The following CSMD1 variants were observed in gnomAD, a reference collection of about 807,000 sequenced individuals.
CSMD1 encodes CUB and sushi domain-containing protein 1.
Under a neutral mutation model 417.5 loss-of-function variants are expected in CSMD1, and 213 were observed. The observed-to-expected ratio is 0.51, with a 90% confidence interval of 0.46 to 0.57. The LOEUF (loss-of-function observed/expected upper bound fraction) is 0.57, where lower values mean the gene tolerates loss of function less well. CSMD1 is among the 20% of genes least tolerant of loss of function. The probability of loss-of-function intolerance (pLI) is 0.00; values close to 1 mark genes in which losing one functional copy is unlikely to be tolerated. For synonymous variants in CSMD1, 2,862 were observed against 1,736.8 expected, an observed-to-expected ratio of 1.65 and a Z score of -16.11; for missense variants, 6,923 against 4,529.7, an observed-to-expected ratio of 1.53 and a Z score of -15.17.
chr8:4,821,679 C>A (rs1184411184), intron 1 of CSMD1, among the ~76,000 whole-genome samples: 1 of 152,032 alleles, frequency 6.6e-6, no homozygotes, highest in African/African-American at 2.4e-5. Flanking sequence ...ACTCTGATTC[C>A]TTTGAAGAAA....
At chr8:4,457,401 T>A (rs915340784) in intron 2 of CSMD1, among the ~76,000 whole-genome samples, 7 of 152,116 alleles carry the variant, frequency 4.6e-5, no homozygotes, top group African/African-American at 1.4e-4. Flanking sequence ...AGGAAGGGAA[T>A]GTTTACTAAA....
At chr8:4,666,988 A>G (rs1413233884) in intron 1 of CSMD1, among the ~76,000 whole-genome samples, 3 of 152,108 alleles carry the variant, frequency 2.0e-5, no homozygotes, top group African/African-American at 4.8e-5. Flanking sequence ...TTTAGTTTAT[A>G]TATGTAAGAA....
chr8:3,475,136 T>A (rs1817331818), intron 11 of CSMD1, among the ~76,000 whole-genome samples: 2 of 152,136 alleles, frequency 1.3e-5, no homozygotes, highest in African/African-American at 2.4e-5. Context: ...CTAAGAGTCT[T>A]TGAAGACTCT....
intron 1 of CSMD1, among the ~76,000 whole-genome samples, chr8:4,732,085 G>A (rs957144309): frequency 2.0e-5 from 3 of 152,132 alleles, no homozygotes; most frequent in South Asian, 4.2e-4. Context: ...CTTTCCAACA[G>A]TCCCGCATCC....
chr8:4,413,454 C>G (rs942770236), intron 3 of CSMD1, among the ~76,000 whole-genome samples: 2 of 152,160 alleles, frequency 1.3e-5, no homozygotes, highest in African/African-American at 4.8e-5. Context: ...CTTCTAATGA[C>G]TTGATTGTCT....
In CSMD1 at chr8:3,407,966, A is replaced by G. The variant is rs1343167843; in HGVS notation, c.2004T>C (p.His668=). The G allele has an allele frequency of 6.2e-7, 1 of 1,613,806 alleles. No homozygotes were observed. The highest frequency in any genetic ancestry group is 8.5e-7 in the Non-Finnish European group (1 of 1,179,810). The part of the protein sequence containing the change: ...EVPSQLASSG[H]IVRLEFQSDH... ...CAGACTGAAATTCCAAGCGAACTAT[A>G]TGCCCACTGCTGGCCAGCTGGGAAG... The change falls in exon 14 of 70, where the codon CAT becomes CAC. Residue 668 remains histidine (H), a synonymous_variant. Transcript: ENST00000635120.
At chr8:3,569,909 A>C (rs547376425) in intron 10 of CSMD1, among the ~76,000 whole-genome samples, 4 of 152,336 alleles carry the variant, frequency 2.6e-5, no homozygotes, top group African/African-American at 9.6e-5. Flanking sequence ...GATAAATGAC[A>C]AAGGGCAAAT....
chr8:3,957,984 G>A (rs1415599247), intron 5 of CSMD1, among the ~76,000 whole-genome samples: 1 of 152,014 alleles, frequency 6.6e-6, no homozygotes, highest in Non-Finnish European at 1.5e-5. Context: ...CTTTCTTTTT[G>A]CTTGCTTAAC....
intron 12 of CSMD1, among the ~76,000 whole-genome samples, chr8:3,426,462 G>A (rs1485393541): frequency 6.6e-6 from 1 of 152,052 alleles, no homozygotes; most frequent in South Asian, 2.1e-4. Flanking sequence ...ATCAATTAAT[G>A]GAAAAGGAAG....
chr8:4,449,302 T>A (rs1220132193), intron 2 of CSMD1, among the ~76,000 whole-genome samples: 1 of 152,214 alleles, frequency 6.6e-6, no homozygotes, highest in African/African-American at 2.4e-5. Context: ...CAGGAGCAGA[T>A]GAAAAGACTC....
chr8:3,923,135 T>C (rs1809394146), intron 5 of CSMD1, among the ~76,000 whole-genome samples: 1 of 152,116 alleles, frequency 6.6e-6, no homozygotes. Context: ...AAAAGAGAGC[T>C]AGGGTCCCAG....
intron 10 of CSMD1, among the ~76,000 whole-genome samples, chr8:3,504,099 T>G (rs1249305118): frequency 1.3e-5 from 2 of 152,110 alleles, no homozygotes; most frequent in African/African-American, 4.8e-5. Flanking sequence ...GGAATTTAAA[T>G]GTCTCCAACA....
In CSMD1 at chr8:3,733,371, AAATAT is replaced by A. The variant is rs1367770366; in HGVS notation, c.931+20554_931+20558del. 6.1e-5 allele frequency among the ~76,000 whole-genome samples: 9 copies of A among 148,018 alleles called. 1 individual carries two copies. The highest frequency in any genetic ancestry group is 1.5e-4 in the African/African-American group (6 of 40,764). On this transcript the variant is annotated intron_variant, in intron 6 of 69. Coordinates refer to ENST00000635120, the MANE Select transcript of CSMD1 (RefSeq NM_033225.6). ...ATATTATATATATAATATATATATAAAATATAATATATATTATCTGGATTAGATGA... is the reference window on the plus strand; with the variant it reads ...ATATTATATATATAATATATATATAAAATATATATTATCTGGATTAGATGA...
At chr8:3,925,676 A>G (rs1225884216) in intron 5 of CSMD1, among the ~76,000 whole-genome samples, 1 of 151,138 alleles carries the variant, frequency 6.6e-6, no homozygotes, top group Non-Finnish European at 1.5e-5. Context: ...CCTCCTCCTC[A>G]TTTTTCTCTT....
intron 3 of CSMD1, among the ~76,000 whole-genome samples, chr8:4,189,847 A>G (rs1033128571): frequency 6.6e-6 from 1 of 151,892 alleles, no homozygotes; most frequent in Non-Finnish European, 1.5e-5. Context: ...TTTTTAACAT[A>G]TTAATATTTT....
chr8:3,659,332 T>A (rs1363549765), intron 7 of CSMD1, among the ~76,000 whole-genome samples: 1 of 152,160 alleles, frequency 6.6e-6, no homozygotes, highest in Non-Finnish European at 1.5e-5. Flanking sequence ...AAGAAACAAA[T>A]TTTCATTTTG....
chr8:3,168,922 T>G (rs1478225183), intron 37 of CSMD1, among the ~76,000 whole-genome samples: 1 of 103,696 alleles, frequency 9.6e-6, no homozygotes, highest in African/African-American at 3.5e-5. Context: ...TAAAATGTTC[T>G]CTCTCTCTCT....
At chr8:3,708,562 G>C in intron 6 of CSMD1, 71 bp from the exon 7 acceptor site, 1 of 1,303,716 alleles carries the variant, frequency 7.7e-7, no homozygotes, top group South Asian at 1.2e-5. Context: ...TATCCACACA[G>C]CACTTCCAGT....
At chr8:4,932,840 T>C (rs1436752265) in intron 1 of CSMD1, among the ~76,000 whole-genome samples, 4 of 152,240 alleles carry the variant, frequency 2.6e-5, no homozygotes, top group Non-Finnish European at 5.9e-5. Context: ...AATTTTCAAC[T>C]ACAGGTCCTG....
Sources: allele counts gnomAD v4.1 joint callset (sites outside exome capture counted in the v4.1 genomes callset), GRCh38; gene constraint gnomAD v4.1.1; transcripts MANE v1.5; gene names NCBI Gene and HGNC (gene_info 2026-07-23, HGNC 2026-07-21).